PCLO: variants seen among roughly 807,000 people sequenced by gnomAD.
PCLO encodes piccolo presynaptic cytomatrix protein.
PCLO carries 82 observed loss-of-function variants against 427.5 expected under a neutral mutation model. That is an observed-to-expected ratio of 0.19 (90% CI 0.16 to 0.23). PCLO has a LOEUF of 0.23. Ranked by LOEUF, PCLO falls within the 10% of genes least tolerant of loss-of-function variation. PCLO has a pLI of 1.00. For missense variants in PCLO, 6,239 were observed against 6,115.9 expected (o/e 1.02, Z -0.67); for synonymous variants, 2,357 against 2,155.4 (o/e 1.09, Z -2.59).
chr7:82,853,051 T>G (rs2115857314), intron 10 of PCLO, among the ~76,000 whole-genome samples: 1 of 152,274 alleles, frequency 6.6e-6, no homozygotes, highest in Non-Finnish European at 1.5e-5. Flanking sequence ...TGATGAGATC[T>G]CATTCCTTTT....
intron 3 of PCLO, among the ~76,000 whole-genome samples, chr7:82,978,068 T>C (rs1796060618): frequency 1.3e-5 from 2 of 151,868 alleles, no homozygotes; most frequent in Admixed American, 1.3e-4. Context: ...TAATAATAGA[T>C]AAACATAAAT....
rs748825726 is a variant in PCLO, at chr7:82,916,269, T to C, written c.11717A>G (p.Gln3906Arg). The change falls in exon 7 of 25, where the codon CAG becomes CGG. Residue 3906 changes from glutamine (Q) to arginine (R), a missense_variant. Gln to Arg is a conservative substitution (Grantham distance 43). Coordinates refer to ENST00000333891, the MANE Select transcript of PCLO (RefSeq NM_033026.6). Reference sequence around the variant, plus strand: ...CAAAGTTTGTTGCTCAAAATGAGACTGTTGAGTGTATGAGGTGGGTGCTTG... The same window carrying C: ...CAAAGTTTGTTGCTCAAAATGAGACCGTTGAGTGTATGAGGTGGGTGCTTG... Reference protein sequence around the residue: ...PTQAPTSYTQQSHFEQQTLYH... With the variant: ...PTQAPTSYTQRSHFEQQTLYH... The C allele has an allele frequency of 5.5e-5, 88 of 1,613,540 alleles. No homozygotes were observed. Among genetic ancestry groups the C allele is most frequent in the Non-Finnish European group, 6.8e-5 (80 of 1,179,704 alleles).
In PCLO at chr7:82,956,364, C is replaced by A. The variant is rs1403544723; in HGVS notation, c.4589G>T (p.Arg1530Ile). The A allele has an allele frequency of 6.2e-7, 1 of 1,613,342 alleles. No individual in the cohort carries two copies. Among genetic ancestry groups the A allele is most frequent in the Non-Finnish European group, 8.5e-7 (1 of 1,179,858 alleles). Residue 1530 changes from arginine to isoleucine, a missense_variant, in exon 5 of 25, where the codon AGA becomes ATA. Physicochemically the swap from Arg to Ile is moderately conservative, Grantham distance 97. This residue lies in a region of PCLO where 4,677 missense variants were observed against 4,468.4 expected (regional missense o/e 1.05). Coordinates refer to ENST00000333891, the MANE Select transcript of PCLO (RefSeq NM_033026.6). ...ENSPVPQRKR[R>I]TSVGSSSSDE... ...ACTGCTTGATGAGCCAACACTAGTT[C>A]TTCGTTTTCTTTGTGGAACAGGTGA...
intron 9 of PCLO, among the ~76,000 whole-genome samples, chr7:82,892,084 T>C (rs1359263944): frequency 6.6e-6 from 1 of 151,994 alleles, no homozygotes; most frequent in Non-Finnish European, 1.5e-5. Context: ...TACTTTAAAG[T>C]TCATATGGAA....
At chr7:83,073,841 T>C (rs1038013603) in intron 3 of PCLO, among the ~76,000 whole-genome samples, 10 of 151,134 alleles carry the variant, frequency 6.6e-5, no homozygotes, top group Non-Finnish European at 1.3e-4. Flanking sequence ...TAATAAAAAT[T>C]TTTTATTGAA....
In PCLO at chr7:83,135,755, T is replaced by C. The variant is rs189104042; in HGVS notation, c.1894-99A>G. ...CTGCCATTTGAAACTATGTCTCTCA[T>C]CATTCAAAGCAGAAAATATAGAGAA... is the stretch of plus-strand genomic sequence containing the variant. On this transcript the variant is annotated intron_variant, in intron 2 of 24. Transcript: ENST00000333891. 119 of 671,268 alleles carry C rather than the reference T, an allele frequency of 1.8e-4. 1 individual carries two copies. In the African/African-American group the frequency reaches 2.0e-3, roughly 11 times the overall value. The allele number at this position is 671,268 out of a possible 1,614,324, so 41.6% of individuals were successfully genotyped here.
intron 6 of PCLO, among the ~76,000 whole-genome samples, chr7:82,920,936 C>T (rs1166349040): frequency 6.6e-6 from 1 of 151,530 alleles, no homozygotes; most frequent in African/African-American, 2.4e-5. Flanking sequence ...AATTATTCAT[C>T]CAGTATTATA....
At chr7:82,963,133 G>C (rs1488361747) in intron 4 of PCLO, among the ~76,000 whole-genome samples, 1 of 151,900 alleles carries the variant, frequency 6.6e-6, no homozygotes, top group South Asian at 2.1e-4. Context: ...CTGTTTCTTT[G>C]AGAAAATTAT....
At chr7:83,020,750 C>T (rs1788323286) in intron 3 of PCLO, among the ~76,000 whole-genome samples, 2 of 151,992 alleles carry the variant, frequency 1.3e-5, no homozygotes, top group Non-Finnish European at 2.9e-5. Flanking sequence ...TTGAGAAGAG[C>T]TATTAGTGAA....
Position 82,956,403 on chromosome 7 carries a change from C to T in PCLO, c.4550G>A (p.Ser1517Asn). 6.2e-7 allele frequency: 1 copy of T among 1,613,674 alleles called. No homozygotes were observed. The highest frequency in any genetic ancestry group is 8.5e-7 in the Non-Finnish European group (1 of 1,179,858). The change falls in exon 5 of 25, where the codon AGT (serine) becomes AAT (asparagine). Residue 1517 changes from serine (S) to asparagine (N), a missense_variant. This residue lies in a region of PCLO where 4,677 missense variants were observed against 4,468.4 expected (regional missense o/e 1.05). Coordinates refer to ENST00000333891, the MANE Select transcript of PCLO (RefSeq NM_033026.6). Reference sequence around the variant, plus strand: ...TGGAACAGGTGAGTTTTCACTTTCACTACTCTCTTCAACTGAATCATAAGG... The same window carrying T: ...TGGAACAGGTGAGTTTTCACTTTCATTACTCTCTTCAACTGAATCATAAGG... ...REPYDSVEES[S>N]ESENSPVPQR...
intron 6 of PCLO, among the ~76,000 whole-genome samples, chr7:82,923,780 G>T (rs1201173374): frequency 6.6e-6 from 1 of 152,118 alleles, no homozygotes; most frequent in East Asian, 1.9e-4. Context: ...AATAAAATTT[G>T]TCAGGGATTC....
intron 3 of PCLO, among the ~76,000 whole-genome samples, chr7:83,063,106 G>A (rs1054672627): frequency 1.3e-5 from 2 of 151,832 alleles, no homozygotes; most frequent in Non-Finnish European, 2.9e-5. Context: ...TTCCATTTTT[G>A]AGAGGAAGAA....
At chr7:82,758,737 A>G in intron 24 of PCLO, 22 bp from the exon 25 acceptor site, 1 of 1,455,482 alleles carries the variant, frequency 6.9e-7, no homozygotes, top group Middle Eastern at 1.8e-4. Flanking sequence ...AGGCAAAAAT[A>G]AACATATTTA....
intron 3 of PCLO, among the ~76,000 whole-genome samples, chr7:83,059,813 G>C (rs1766092367): frequency 6.6e-6 from 1 of 152,068 alleles, no homozygotes; most frequent in South Asian, 2.1e-4. Flanking sequence ...GAAAAGAGCA[G>C]AATGGAAAGA....
chr7:82,851,323 C>T (rs1792648804), intron 10 of PCLO, among the ~76,000 whole-genome samples: 1 of 151,606 alleles, frequency 6.6e-6, no homozygotes, highest in Non-Finnish European at 1.5e-5. Flanking sequence ...AAGAAACAGA[C>T]CATACCAGGT....
chr7:83,142,103 C>A (rs1229584429), intron 2 of PCLO, among the ~76,000 whole-genome samples: 2 of 151,798 alleles, frequency 1.3e-5, no homozygotes, highest in Non-Finnish European at 2.9e-5. Flanking sequence ...CTATGTAACT[C>A]TAACTGGAAA....
chr7:83,124,273 C>T (rs922163366), intron 3 of PCLO, among the ~76,000 whole-genome samples: 42 of 150,820 alleles, frequency 2.8e-4, no homozygotes, highest in Admixed American at 7.3e-4. Flanking sequence ...GCCGAGATAG[C>T]GCCACTGCAC....
chr7:83,054,742 T>C (rs923940753), intron 3 of PCLO, among the ~76,000 whole-genome samples: 2 of 151,988 alleles, frequency 1.3e-5, no homozygotes, highest in Non-Finnish European at 2.9e-5. Flanking sequence ...ATACAAATAA[T>C]TGGCAAGGCA....
At chr7:82,993,589 CTT>C (rs1336094105) in intron 3 of PCLO, among the ~76,000 whole-genome samples, 2 of 151,466 alleles carry the variant, frequency 1.3e-5, no homozygotes, top group African/African-American at 4.9e-5. Flanking sequence ...GCAATAACGT[CTT>C]TTTAAATTAA....
Sources: allele counts gnomAD v4.1 joint callset (sites outside exome capture counted in the v4.1 genomes callset), GRCh38; gene constraint gnomAD v4.1.1; regional missense constraint gnomAD v4.1.1; transcripts MANE v1.5; gene names NCBI Gene and HGNC (gene_info 2026-07-23, HGNC 2026-07-21).